Variants in RMDN2 observed in about 807,000 individuals in gnomAD.
The protein encoded by RMDN2 is regulator of microtubule dynamics protein 2.
A neutral mutation model predicts 52.8 loss-of-function variants in RMDN2; 61 were observed. That is an observed-to-expected ratio of 1.16 (90% CI 0.94 to 1.43). The LOEUF (loss-of-function observed/expected upper bound fraction) is 1.43, where lower values mean the gene tolerates loss of function less well. Ranked by LOEUF, RMDN2 falls within the 40% of genes most tolerant of loss-of-function variation. RMDN2 has a pLI of 0.00. For synonymous variants in RMDN2, 180 were observed against 153.1 expected (o/e 1.18, Z -1.30); for missense variants, 592 against 475.3 (o/e 1.25, Z -2.28).
chr2:37,929,375 C>T lies in RMDN2; in HGVS notation c.98C>T (p.Pro33Leu), dbSNP rs1393576423. The T allele has an allele frequency of 1.3e-6, 2 of 1,551,538 alleles. No homozygotes were observed. Among genetic ancestry groups the T allele is most frequent in the Non-Finnish European group, 1.7e-6 (2 of 1,146,694 alleles). Residue 33 changes from proline to leucine, a missense_variant, in exon 2 of 11, where the codon CCA becomes CTA. Transcript: ENST00000354545. The part of the protein sequence containing the change: ...LLLWYHKVRK[P>L]GIAMKLPEFL... ...TTGTGGTACCACAAGGTCCGTAAAC[C>T]AGGGATAGCAATGAAGTTACCTGAA...
intron 2 of RMDN2, among the ~76,000 whole-genome samples, chr2:37,964,736 C>T (rs1166090442): frequency 6.6e-6 from 1 of 152,206 alleles, no homozygotes; most frequent in South Asian, 2.1e-4. Flanking sequence ...TCCTCTATTT[C>T]CTTACTAATC....
chr2:38,065,217 T>G (rs1174365980), intron 10 of RMDN2, among the ~76,000 whole-genome samples: 3 of 152,078 alleles, frequency 2.0e-5, no homozygotes, highest in Non-Finnish European at 4.4e-5. Context: ...AGCAACAGGA[T>G]GAGATATGTA....
At chr2:38,048,756 C>G (rs1283244876) in intron 10 of RMDN2, among the ~76,000 whole-genome samples, 1 of 152,198 alleles carries the variant, frequency 6.6e-6, no homozygotes, top group African/African-American at 2.4e-5. Context: ...ATGGAAACAT[C>G]TGGACTGCAC....
intron 2 of RMDN2, among the ~76,000 whole-genome samples, chr2:37,965,071 A>T (rs1263656296): frequency 6.6e-6 from 1 of 152,016 alleles, no homozygotes; most frequent in Non-Finnish European, 1.5e-5. Context: ...TACTGTTTTC[A>T]TGAAATATGT....
chr2:37,985,764 A>C (rs1673925480), intron 5 of RMDN2, among the ~76,000 whole-genome samples: 2 of 152,182 alleles, frequency 1.3e-5, no homozygotes, highest in African/African-American at 4.8e-5. Context: ...GATACCTAAC[A>C]AGTTATGAAT....
At chr2:38,000,055 A>G (rs903738459) in intron 8 of RMDN2, among the ~76,000 whole-genome samples, 6 of 152,214 alleles carry the variant, frequency 3.9e-5, no homozygotes, top group East Asian at 3.8e-4. Context: ...CTAAAAATCA[A>G]TGTTAGCTAC....
downstream of RMDN2, among the ~76,000 whole-genome samples, chr2:38,020,898 C>T (rs1679313398): frequency 6.6e-6 from 1 of 152,214 alleles, no homozygotes; most frequent in Non-Finnish European, 1.5e-5. Flanking sequence ...GAGTGCGGCG[C>T]ACGGTACGGG....
intron 2 of RMDN2, among the ~76,000 whole-genome samples, chr2:37,955,957 T>C (rs1445025404): frequency 1.5e-5 from 1 of 65,264 alleles, no homozygotes; most frequent in Middle Eastern, 9.1e-3. Flanking sequence ...TTTGCTGTTA[T>C]TTCATTCAGA....
intron 4 of RMDN2, among the ~76,000 whole-genome samples, chr2:37,975,535 C>G (rs1672355511): frequency 6.6e-6 from 1 of 152,036 alleles, no homozygotes; most frequent in Non-Finnish European, 1.5e-5. Flanking sequence ...GGGAGGGGAA[C>G]ATCACACAAC....
At chr2:38,007,183 C>T (rs1178436799) in intron 10 of RMDN2, among the ~76,000 whole-genome samples, 1 of 152,166 alleles carries the variant, frequency 6.6e-6, no homozygotes, top group Non-Finnish European at 1.5e-5. Context: ...TGTTGTATCT[C>T]TGCCAGGCTT....
intron 10 of RMDN2, among the ~76,000 whole-genome samples, chr2:38,058,513 G>T (rs1681924931): frequency 6.6e-6 from 1 of 152,222 alleles, no homozygotes; most frequent in Non-Finnish European, 1.5e-5. Context: ...CAGAAATTGT[G>T]TCTGCAGGTG....
At chr2:37,930,144 C>A in intron 2 of RMDN2, among the ~76,000 whole-genome samples, 1 of 152,226 alleles carries the variant, frequency 6.6e-6, no homozygotes, top group South Asian at 2.1e-4. Context: ...CCCCTCTGGC[C>A]ACAAAGCACA....
chr2:38,051,790 G>C (rs556010508), intron 10 of RMDN2, among the ~76,000 whole-genome samples: 1 of 152,132 alleles, frequency 6.6e-6, no homozygotes, highest in South Asian at 2.1e-4. Context: ...GTCTTTCTGT[G>C]CCTGACTGAT....
chr2:38,029,982 A>C (rs1680066339), intron 10 of RMDN2: 2 of 152,126 alleles, frequency 1.3e-5, no homozygotes, highest in African/African-American at 4.8e-5. Context: ...TAAAACCATG[A>C]GATCTCATGA....
intron 5 of RMDN2, 45 bp from the exon 6 acceptor site, chr2:37,989,496 A>G (rs780073260): frequency 2.4e-5 from 32 of 1,326,118 alleles, no homozygotes; most frequent in Non-Finnish European, 3.4e-5. Flanking sequence ...TTTGTTAAAA[A>G]TTTACACAGT....
At chr2:38,039,335 T>C (rs100489) in intron 10 of RMDN2, 50,016 of 151,936 alleles carry the variant, frequency 0.33, 8,964 homozygotes, top group Non-Finnish European at 0.42. Context: ...CCGAAGCCCA[T>C]AGATCAGCCT....
Position 37,983,196 on chromosome 2 carries a change from G to C in RMDN2, c.791+1853G>C, listed in dbSNP as rs1027846647. On this transcript the variant is annotated intron_variant, in intron 5 of 10. Transcript: ENST00000354545. ...AGAATCACATTAAAAATGTGCATTT[G>C]GTGTAAATCGTCAATTTGAGGTTAT... Among the ~76,000 whole-genome samples the C allele has an allele frequency of 2.6e-5, 4 of 152,040 alleles. No homozygotes were observed. In the East Asian group the frequency reaches 5.8e-4, roughly 22 times the overall value.
chr2:37,929,343 G>T lies in RMDN2; in HGVS notation c.66G>T (p.Leu22Phe). The change falls in exon 2 of 11, where the codon TTG (leucine) becomes TTT (phenylalanine). Residue 22 changes from leucine (L) to phenylalanine (F), a missense_variant. Transcript: ENST00000354545. ...TGGTGGGCACTGCTGGAATCAGCTTGCTGCTCTTGTGGTACCACAAGGTCC... is the reference window on the plus strand; with the variant it reads ...TGGTGGGCACTGCTGGAATCAGCTTTCTGCTCTTGTGGTACCACAAGGTCC... ...GIMVGTAGIS[L>F]LLLWYHKVRK... 1 of 1,551,976 alleles carries T rather than the reference G, an allele frequency of 6.4e-7. No homozygotes were observed.
chr2:38,022,678 C>G (rs966470673), downstream of RMDN2, among the ~76,000 whole-genome samples: 1 of 152,192 alleles, frequency 6.6e-6, no homozygotes, highest in Non-Finnish European at 1.5e-5. Context: ...GCGATGTTAT[C>G]TTTCTTACTA....
Sources: gnomAD v4.1 joint callset for allele counts (sites outside exome capture counted in the v4.1 genomes callset) on GRCh38, gnomAD v4.1.1 for gene constraint, MANE v1.5 for transcripts, NCBI Gene and HGNC (gene_info 2026-07-23, HGNC 2026-07-21) for gene names.